The following NPAS3 variants were observed in gnomAD, a reference collection of about 807,000 sequenced individuals.
NPAS3 encodes the protein neuronal PAS domain-containing protein 3.
A neutral mutation model predicts 73.1 loss-of-function variants in NPAS3; 14 were observed. The observed-to-expected ratio is 0.19, with a 90% CI of 0.13 to 0.30. The LOEUF (loss-of-function observed/expected upper bound fraction) is 0.30. Ranked by LOEUF, NPAS3 falls within the 10% of genes least tolerant of loss-of-function variation. The pLI is 1.00. For missense variants in NPAS3, 1,096 were observed against 1,250.0 expected, an observed-to-expected ratio of 0.88 and a Z score of 1.86; for synonymous variants, 620 against 541.5, an observed-to-expected ratio of 1.14 and a Z score of -2.01.
rs547260926 is a variant in NPAS3, at chr14:32,964,802, C to G, written c.50+25436C>G. 6.6e-4 allele frequency among the ~76,000 whole-genome samples: 94 copies of G among 142,254 alleles called. 1 individual carries two copies. The Middle Eastern group carries it at 0.011, about 16-fold the overall frequency. 93.3% of individuals were successfully genotyped at this position (142,254 alleles called of 152,430 possible). Reference sequence around the variant, plus strand: ...CCAGCTTGGGCAACATAGCAAGACCCCTGTCTCTACAAAAAAAAAAAAGAA... The same window carrying G: ...CCAGCTTGGGCAACATAGCAAGACCGCTGTCTCTACAAAAAAAAAAAAGAA... On this transcript the variant is annotated intron_variant, in intron 1 of 11. Coordinates refer to ENST00000356141, the Ensembl canonical transcript of NPAS3.
At chr14:33,397,180 A>G (rs377700011) in intron 4 of NPAS3, among the ~76,000 whole-genome samples, 173 of 152,156 alleles carry the variant, frequency 1.1e-3, no homozygotes, top group African/African-American at 3.9e-3. Context: ...CAGATCCAAA[A>G]TCTCCCCTTG....
At chr14:33,488,053 G>A (rs2139786304) in intron 4 of NPAS3, among the ~76,000 whole-genome samples, 1 of 152,280 alleles carries the variant, frequency 6.6e-6, no homozygotes, top group Non-Finnish European at 1.5e-5. Flanking sequence ...AGGAGGCAGA[G>A]CAGGTAAGGG....
At chr14:33,286,398 C>G (rs540168655) in intron 3 of NPAS3, among the ~76,000 whole-genome samples, 1 of 152,240 alleles carries the variant, frequency 6.6e-6, no homozygotes, top group African/African-American at 2.4e-5. Context: ...TCTGTGGATA[C>G]AGAGATAGTA....
At chr14:33,676,850 T>C (rs1042070937) in intron 6 of NPAS3, among the ~76,000 whole-genome samples, 7 of 152,166 alleles carry the variant, frequency 4.6e-5, no homozygotes, top group African/African-American at 1.4e-4. Context: ...TTGAAAGATG[T>C]GAACAGATAA....
chr14:33,409,049 C>T (rs931589157), intron 4 of NPAS3, among the ~76,000 whole-genome samples: 5 of 152,138 alleles, frequency 3.3e-5, no homozygotes, highest in African/African-American at 1.2e-4. Context: ...TCTAAGTTCT[C>T]CCACTGATAA....
chr14:33,234,416 T>C (rs1566707317), intron 3 of NPAS3, among the ~76,000 whole-genome samples: 1 of 152,148 alleles, frequency 6.6e-6, no homozygotes, highest in Admixed American at 6.6e-5. Flanking sequence ...TAAACTGTGG[T>C]TGCCTCTATG....
chr14:33,435,620 A>C (rs1478193393), intron 4 of NPAS3, among the ~76,000 whole-genome samples: 1 of 152,210 alleles, frequency 6.6e-6, no homozygotes, highest in Non-Finnish European at 1.5e-5. Flanking sequence ...ATATTGGCTA[A>C]TACAGAGCCC....
At chr14:33,188,243 T>A (rs2046049587) in intron 2 of NPAS3, among the ~76,000 whole-genome samples, 2 of 152,244 alleles carry the variant, frequency 1.3e-5, no homozygotes, top group Non-Finnish European at 2.9e-5. Flanking sequence ...ATTATTTCTC[T>A]TATTGTGTCA....
chr14:33,201,491 A>G (rs2046614639), intron 2 of NPAS3, among the ~76,000 whole-genome samples: 1 of 152,238 alleles, frequency 6.6e-6, no homozygotes, highest in African/African-American at 2.4e-5. Flanking sequence ...ATAACTCAAA[A>G]GGACACCTTG....
intron 1 of NPAS3, among the ~76,000 whole-genome samples, chr14:33,019,067 A>G (rs2039497281): frequency 6.6e-6 from 1 of 152,252 alleles, no homozygotes; most frequent in South Asian, 2.1e-4. Context: ...TACTGGCTAC[A>G]GTATTATCTT....
chr14:33,376,851 A>C (rs1400319411), intron 4 of NPAS3, among the ~76,000 whole-genome samples: 2 of 152,220 alleles, frequency 1.3e-5, no homozygotes, highest in Non-Finnish European at 2.9e-5. Context: ...GTGAGGACTG[A>C]ACAAAATAGT....
At chr14:33,167,565 A>C (rs1300314810) in intron 2 of NPAS3, among the ~76,000 whole-genome samples, 1 of 152,242 alleles carries the variant, frequency 6.6e-6, no homozygotes, top group African/African-American at 2.4e-5. Context: ...ATTGAGTATT[A>C]CACTATTATT....
At chr14:33,089,399 G>C (rs1050078219) in intron 2 of NPAS3, among the ~76,000 whole-genome samples, 6 of 152,200 alleles carry the variant, frequency 3.9e-5, no homozygotes, top group African/African-American at 1.4e-4. Context: ...AAGGATATCA[G>C]TGATTGAAGA....
At chr14:33,786,109 C>T (rs969309640) in intron 9 of NPAS3, among the ~76,000 whole-genome samples, 1 of 152,180 alleles carries the variant, frequency 6.6e-6, no homozygotes, top group African/African-American at 2.4e-5. Flanking sequence ...CTTAAACAAT[C>T]GAGGTTTATT....
chr14:33,619,645 A>G (rs977664204), intron 5 of NPAS3, among the ~76,000 whole-genome samples: 11 of 152,354 alleles, frequency 7.2e-5, no homozygotes, highest in African/African-American at 2.6e-4. Context: ...CAGGGACATT[A>G]TGTAGCTTGC....
Position 33,377,602 on chromosome 14 carries a change from TC to T in NPAS3, c.468+10336del, listed in dbSNP as rs954369546. Among the ~76,000 whole-genome samples, 56 of 152,184 alleles carry T rather than the reference TC, an allele frequency of 3.7e-4. 1 individual carries two copies. Among genetic ancestry groups the T allele is most frequent in the African/African-American group, 1.3e-3 (55 of 41,448 alleles). ...GATGTCTCTATATGGCAGATACGTA[TC>T]CACGGGGATTTTTGTTTACCTTGCT... On this transcript the variant is annotated intron_variant, in intron 4 of 11. Transcript: ENST00000356141.
chr14:33,801,055 C>A (rs779123476), exon 12 of NPAS3: 19 of 1,594,706 alleles, frequency 1.2e-5, no homozygotes, highest in Admixed American at 5.2e-5. Flanking sequence ...TGCCCTTCCC[C>A]GTCTACAGCA....
chr14:33,506,806 C>T (rs1380698476), intron 4 of NPAS3, among the ~76,000 whole-genome samples: 1 of 151,916 alleles, frequency 6.6e-6, no homozygotes, highest in African/African-American at 2.4e-5. Flanking sequence ...AGACAGTCTC[C>T]CCCCTAATTC....
intron 4 of NPAS3, among the ~76,000 whole-genome samples, chr14:33,417,923 G>A (rs2048214404): frequency 6.6e-6 from 1 of 151,956 alleles, no homozygotes; most frequent in Admixed American, 6.6e-5. Flanking sequence ...GTTTTCCACA[G>A]AATAGTTTTC....
Sources: allele counts gnomAD v4.1 joint callset (sites outside exome capture counted in the v4.1 genomes callset), GRCh38; gene constraint gnomAD v4.1.1; transcripts MANE v1.5; gene names NCBI Gene and HGNC (gene_info 2026-07-23, HGNC 2026-07-21).